WIPI2: variants seen among roughly 807,000 people sequenced by gnomAD.
WIPI2 encodes WD repeat domain phosphoinositide-interacting protein 2.
A neutral mutation model predicts 52.3 loss-of-function variants in WIPI2; 28 were observed. The ratio of observed to expected loss-of-function variants is 0.54; its 90% CI spans 0.40 to 0.73. The LOEUF is 0.73. WIPI2 is among the 30% of genes least tolerant of loss of function. The pLI, the probability that WIPI2 is intolerant of heterozygous loss-of-function variation, is 0.00. For synonymous variants in WIPI2, 268 were observed against 245.0 expected (o/e 1.09, Z -0.88); for missense variants, 506 against 602.9 (o/e 0.84, Z 1.68).
intron 3 of WIPI2, among the ~76,000 whole-genome samples, chr7:5,202,440 G>C (rs1782072543): frequency 6.6e-6 from 1 of 152,160 alleles, no homozygotes. Context: ...CTGGAGTACA[G>C]TGGCATAATC....
At chr7:5,208,267 A>T (rs569074383) in intron 3 of WIPI2, among the ~76,000 whole-genome samples, 1 of 152,004 alleles carries the variant, frequency 6.6e-6, no homozygotes. Context: ...TTGGTTGTTT[A>T]TCTTTTTATT....
intron 9 of WIPI2, 112 bp downstream of exon 9, chr7:5,226,042 G>A (rs1485794047): frequency 2.8e-6 from 3 of 1,075,882 alleles, no homozygotes; most frequent in African/African-American, 3.1e-5. Flanking sequence ...TCGTTAGCCA[G>A]TGAAGACCCC....
At chr7:5,222,075 G>C (rs35852278) in intron 7 of WIPI2, among the ~76,000 whole-genome samples, 1 of 150,728 alleles carries the variant, frequency 6.6e-6, no homozygotes, top group Non-Finnish European at 1.5e-5. Context: ...TCAGCCTCCC[G>C]AGTAGTTGGG....
At chr7:5,213,668 G>T (rs1055576423) in intron 3 of WIPI2, among the ~76,000 whole-genome samples, 4 of 13,380 alleles carry the variant, frequency 3.0e-4, no homozygotes, top group Non-Finnish European at 4.4e-4. Context: ...TCTTTGTTTT[G>T]TTGTTGTTGT....
intron 2 of WIPI2, among the ~76,000 whole-genome samples, chr7:5,197,857 C>G (rs2115209160): frequency 6.6e-6 from 1 of 152,298 alleles, no homozygotes; most frequent in Middle Eastern, 3.4e-3. Flanking sequence ...GTATCTGATT[C>G]CTCTGTACCC....
chr7:5,229,345 C>G (rs551011909), intron 11 of WIPI2: 35 of 320,090 alleles, frequency 1.1e-4, no homozygotes, highest in African/African-American at 7.3e-4. Context: ...ATAGTGAATC[C>G]TCGTTATTAG....
chr7:5,206,823 G>A (rs1782318606), intron 3 of WIPI2, among the ~76,000 whole-genome samples: 1 of 152,136 alleles, frequency 6.6e-6, no homozygotes, highest in Non-Finnish European at 1.5e-5. Flanking sequence ...AGGCTGCCAG[G>A]CTGGAGTGCA....
At chr7:5,203,637 T>A (rs1455092865) in intron 3 of WIPI2, among the ~76,000 whole-genome samples, 3 of 145,978 alleles carry the variant, frequency 2.1e-5, no homozygotes, top group Non-Finnish European at 4.5e-5. Flanking sequence ...TTTTTTTTTT[T>A]TTTTTTTTTT....
At chr7:5,218,529 G>A (rs1782937533) in intron 7 of WIPI2, 1 of 154,278 alleles carries the variant, frequency 6.5e-6, no homozygotes, top group Admixed American at 6.4e-5. Flanking sequence ...GCAGTATTTA[G>A]TTGTGATTCA....
chr7:5,208,530 T>C (rs1334739652), intron 3 of WIPI2, among the ~76,000 whole-genome samples: 2 of 152,182 alleles, frequency 1.3e-5, no homozygotes, highest in African/African-American at 4.8e-5. Flanking sequence ...TGTGAAAGCT[T>C]TATATAGTTA....
intron 3 of WIPI2, among the ~76,000 whole-genome samples, chr7:5,206,656 G>A (rs984880623): frequency 6.6e-6 from 1 of 152,174 alleles, no homozygotes; most frequent in Non-Finnish European, 1.5e-5. Flanking sequence ...AAACTGAAAA[G>A]TGGAAAGTAT....
chr7:5,227,997 C>T lies in WIPI2; in HGVS notation c.1014-107C>T, dbSNP rs982283407. On this transcript the variant is annotated intron_variant, in intron 10 of 12. Transcript: ENST00000288828. This position sits in a 1 kb window ranked among gnomAD's most constrained non-coding sequence, Gnocchi z 8.1. ...AGACACCTGCAGCTGCCCTTGTGCT[C>T]ATCTTGCTGGGGTCTCTTTCCTCGC... 26 of 1,016,682 alleles carry T rather than the reference C, an allele frequency of 2.6e-5. No homozygotes were observed. The highest frequency in any genetic ancestry group is 3.6e-5 in the Non-Finnish European group (24 of 662,334). The allele number at this position is 1,016,682 out of a possible 1,614,324, so 63.0% of individuals were successfully genotyped here.
intron 2 of WIPI2, chr7:5,193,379 A>G (rs930130234): frequency 9.6e-6 from 13 of 1,351,214 alleles, no homozygotes; most frequent in Non-Finnish European, 6.7e-6. Flanking sequence ...TTTAAATGCC[A>G]TGTCTAAAAG....
chr7:5,194,413 G>T (rs1167137116), intron 2 of WIPI2, among the ~76,000 whole-genome samples: 1 of 152,152 alleles, frequency 6.6e-6, no homozygotes, highest in East Asian at 1.9e-4. Context: ...ATTAGGGAAG[G>T]GGGAGAAAAG....
At chr7:5,203,625 CTTTTTTTTTT>C (rs10709311) in intron 3 of WIPI2, among the ~76,000 whole-genome samples, 2 of 66,394 alleles carry the variant, frequency 3.0e-5, no homozygotes, top group Non-Finnish European at 5.6e-5. Context: ...TACGTTCAGC[CTTTTTTTTTT>C]TTTTTTTTTT....
At chr7:5,190,566 G>T in intron 1 of WIPI2, 73 bp downstream of exon 1, 1 of 1,307,268 alleles carries the variant, frequency 7.6e-7, no homozygotes, top group South Asian at 2.0e-5. Context: ...GGGCCTCGCT[G>T]CCAAGCTCGG....
chr7:5,212,757 A>T (rs567594401), intron 3 of WIPI2, among the ~76,000 whole-genome samples: 11 of 152,186 alleles, frequency 7.2e-5, no homozygotes, highest in Non-Finnish European at 1.5e-4. Context: ...CCCTCAAGCA[A>T]TCCTCCCACC....
chr7:5,199,593 G>A lies in WIPI2; in HGVS notation c.146G>A (p.Ser49Asn). The change falls in exon 3 of 13, where the codon AGT (serine) becomes AAT (asparagine). Residue 49 changes from serine to asparagine, a missense_variant. Transcript: ENST00000288828. ...TTTTGCAGGTCCCTAGCTGTTGGTA[G>A]TAAGTCCGGTTATAAATTTTTCTCC... ...RAVVWSLAVG[S>N]KSGYKFFSLS... 1 of 1,613,240 alleles carries A rather than the reference G, an allele frequency of 6.2e-7. No homozygotes were observed. Among genetic ancestry groups the A allele is most frequent in the Non-Finnish European group, 8.5e-7 (1 of 1,179,870 alleles).
At chr7:5,217,380 C>T (rs567974079) in intron 6 of WIPI2, 193 bp downstream of exon 6, 1 of 604,454 alleles carries the variant, frequency 1.7e-6, no homozygotes, top group African/African-American at 1.8e-5. Context: ...TCCTAGCTCA[C>T]TGCAGCCTCA....
Sources: allele counts gnomAD v4.1 joint callset (sites outside exome capture counted in the v4.1 genomes callset), GRCh38; gene constraint gnomAD v4.1.1; non-coding constraint Gnocchi (gnomAD v3.1); transcripts MANE v1.5; gene names NCBI Gene and HGNC (gene_info 2026-07-23, HGNC 2026-07-21).